The following SEPTIN9 variants were observed in gnomAD, a reference collection of about 807,000 sequenced individuals.
The protein encoded by SEPTIN9 is septin 9.
Under a neutral mutation model 56.6 loss-of-function variants are expected in SEPTIN9, and 13 were observed. That is an observed-to-expected ratio of 0.23 (90% confidence interval 0.15 to 0.37). The LOEUF is 0.37. Ranked by LOEUF, SEPTIN9 falls within the 10% of genes least tolerant of loss-of-function variation. SEPTIN9 has a pLI of 1.00. For missense variants in SEPTIN9, 650 were observed against 823.1 expected (o/e 0.79, Z 2.57); for synonymous variants, 332 against 334.1 (o/e 0.99, Z 0.07).
chr17:77,450,674 G>A lies in SEPTIN9; in HGVS notation c.722-31470G>A, dbSNP rs541724615. 1.3e-3 allele frequency: 1,296 copies of A among 986,266 alleles called. 1 individual carries two copies. The highest frequency in any genetic ancestry group is 1.5e-3 in the Non-Finnish European group (1,266 of 830,676). 61.1% of individuals were successfully genotyped at this position (986,266 alleles called of 1,614,324 possible). On this transcript the variant is annotated intron_variant, in intron 3 of 11. Coordinates refer to ENST00000427177, the MANE Select transcript of SEPTIN9 (RefSeq NM_001113491.2). This position sits in a 1 kb window ranked among gnomAD's most constrained non-coding sequence, Gnocchi z 6.0. ...CCAGCACATCCCAGGCCTGCAGGGA[G>A]GGGGAGAGGAAGAGACTGACTCACT...
At chr17:77,301,269 C>T (rs1598486383) in intron 1 of SEPTIN9, among the ~76,000 whole-genome samples, 1 of 152,218 alleles carries the variant, frequency 6.6e-6, no homozygotes, top group East Asian at 1.9e-4. Context: ...GTTGCCCAGG[C>T]TGATCTCCAA....
chr17:77,308,224 G>T (rs901038883), intron 2 of SEPTIN9, among the ~76,000 whole-genome samples: 2 of 152,244 alleles, frequency 1.3e-5, no homozygotes, highest in African/African-American at 4.8e-5. Context: ...GACAGGCAGG[G>T]ACTGTGCCTT....
chr17:77,332,068 G>C (rs1338945639), intron 2 of SEPTIN9, among the ~76,000 whole-genome samples: 2 of 152,046 alleles, frequency 1.3e-5, no homozygotes, highest in African/African-American at 4.8e-5. Context: ...TTGAGCCCAG[G>C]AGTTCAAGAC....
intron 2 of SEPTIN9, among the ~76,000 whole-genome samples, chr17:77,342,214 G>C (rs2033756602): frequency 6.6e-6 from 1 of 152,150 alleles, no homozygotes; most frequent in African/African-American, 2.4e-5. Flanking sequence ...CATGTTGTTG[G>C]AAAAATGGTG....
At chr17:77,358,093 G>A (rs1350713300) in intron 2 of SEPTIN9, among the ~76,000 whole-genome samples, 1 of 152,162 alleles carries the variant, frequency 6.6e-6, no homozygotes, top group Non-Finnish European at 1.5e-5. Flanking sequence ...GGACAGCTTA[G>A]TCAACGGAAG....
chr17:77,356,044 A>G (rs999754969), intron 2 of SEPTIN9, among the ~76,000 whole-genome samples: 37 of 150,590 alleles, frequency 2.5e-4, no homozygotes, highest in African/African-American at 8.1e-4. Context: ...CTGAGTTTCC[A>G]TCCTCAGAAG....
chr17:77,341,270 T>G (rs950474965), intron 2 of SEPTIN9, among the ~76,000 whole-genome samples: 1 of 152,186 alleles, frequency 6.6e-6, no homozygotes, highest in African/African-American at 2.4e-5. Flanking sequence ...TCCTTTCACT[T>G]GAACACTTAG....
At chr17:77,290,025 C>A (rs981282893) in intron 1 of SEPTIN9, among the ~76,000 whole-genome samples, 1 of 152,178 alleles carries the variant, frequency 6.6e-6, no homozygotes, top group Non-Finnish European at 1.5e-5. Context: ...AGATCTCAGG[C>A]ATGGATTTCA....
At chr17:77,455,426 T>G (rs796483849) in intron 3 of SEPTIN9, among the ~76,000 whole-genome samples, 22 of 152,338 alleles carry the variant, frequency 1.4e-4, no homozygotes, top group African/African-American at 5.3e-4. Flanking sequence ...GGTGCCAGGC[T>G]CCAAGCACCA....
rs1385147139 is a variant in SEPTIN9, at chr17:77,326,429, G to A, written c.76+19232G>A. ...GACCAGGTCAGGAGGGCTGCCTCGG[G>A]GGGACACCTTCGGGCTGAGCGCAGA... On this transcript the variant is annotated intron_variant, in intron 2 of 11. Coordinates refer to ENST00000427177, the MANE Select transcript of SEPTIN9 (RefSeq NM_001113491.2). The surrounding 1 kb of genome is among the most constrained non-coding windows in gnomAD (Gnocchi z 5.1). 2.0e-5 allele frequency among the ~76,000 whole-genome samples: 3 copies of A among 152,228 alleles called. No homozygotes were observed. The East Asian group carries it at 5.8e-4, about 29-fold the overall frequency.
intron 3 of SEPTIN9, among the ~76,000 whole-genome samples, chr17:77,448,874 C>T (rs1467442304): frequency 1.3e-5 from 2 of 151,852 alleles, no homozygotes; most frequent in Non-Finnish European, 2.9e-5. Context: ...ACCTTTGCCT[C>T]CCAGGTTTGA....
chr17:77,337,417 A>AT (rs2033591313), intron 2 of SEPTIN9, among the ~76,000 whole-genome samples: 1 of 151,516 alleles, frequency 6.6e-6, no homozygotes, highest in South Asian at 2.1e-4. Context: ...GTTTTTAAGG[A>AT]TTTTTGCGTG....
rs140254354 is a variant in SEPTIN9 at position 77,490,122 on chromosome 17, ACTT to A, written c.1263-617_1263-615del. On this transcript the variant is annotated intron_variant, in intron 7 of 11. Coordinates refer to ENST00000427177, the MANE Select transcript of SEPTIN9 (RefSeq NM_001113491.2). ...GCGGGCCTTGGCCATCTCTGCTTAA[ACTT>A]CTGCCCGGAGCGGGCTTCTCCCCAG... Among the ~76,000 whole-genome samples the A allele has an allele frequency of 6.3e-3, 961 of 152,300 alleles. 14 individuals are homozygous for A. The highest frequency in any genetic ancestry group is 0.022 in the African/African-American group (910 of 41,572).
chr17:77,413,410 T>G (rs951273859), intron 3 of SEPTIN9, among the ~76,000 whole-genome samples: 2 of 152,184 alleles, frequency 1.3e-5, no homozygotes, highest in Admixed American at 6.6e-5. Context: ...TTTAGCTTAT[T>G]TAAAATCCGT....
At chr17:77,397,951 C>T (rs1159986054) in intron 2 of SEPTIN9, among the ~76,000 whole-genome samples, 2 of 151,682 alleles carry the variant, frequency 1.3e-5, no homozygotes, top group Admixed American at 1.3e-4. Flanking sequence ...CATGAGCCAC[C>T]ACGCCTGGCA....
chr17:77,466,958 G>A (rs1186124549), intron 3 of SEPTIN9, among the ~76,000 whole-genome samples: 1 of 152,122 alleles, frequency 6.6e-6, no homozygotes. Flanking sequence ...GGGCTCTGTG[G>A]GGGTCAGGGC....
Position 77,490,989 on chromosome 17 carries a change from G to C in SEPTIN9, c.1380+130G>C, listed in dbSNP as rs567464085. ...CGAACCGCTGGTCACTCTCCCCAGC[G>C]GGTGGCTGGCCTGGTGGTCCCTGGC... On this transcript the variant is annotated intron_variant, in intron 8 of 11. Coordinates refer to ENST00000427177, the MANE Select transcript of SEPTIN9 (RefSeq NM_001113491.2). 7.9e-5 allele frequency: 61 copies of C among 768,908 alleles called. No homozygotes were observed. The East Asian group carries it at 1.6e-3, about 20-fold the overall frequency. 47.6% of individuals were successfully genotyped at this position (768,908 alleles called of 1,614,324 possible).
At chr17:77,484,279 G>GTGGTGGGATGGTGGTGGTGA (rs1201860292) in intron 4 of SEPTIN9, among the ~76,000 whole-genome samples, 2 of 136,040 alleles carry the variant, frequency 1.5e-5, no homozygotes, top group African/African-American at 5.8e-5. Flanking sequence ...GGTGGTGATA[G>GTGGTGGGATGGTGGTGGTGA]TGGTGGGATG....
At chr17:77,489,504 C>G (rs982990707) in intron 7 of SEPTIN9, among the ~76,000 whole-genome samples, 1 of 152,208 alleles carries the variant, frequency 6.6e-6, no homozygotes, top group Non-Finnish European at 1.5e-5. Flanking sequence ...TGTGGCTCAC[C>G]CTGAGCCAGG....
Sources: gnomAD v4.1 joint callset for allele counts (sites outside exome capture counted in the v4.1 genomes callset) on GRCh38, gnomAD v4.1.1 for gene constraint, Gnocchi (gnomAD v3.1) non-coding constraint, MANE v1.5 for transcripts, NCBI Gene and HGNC (gene_info 2026-07-23, HGNC 2026-07-21) for gene names.